NAV3: variants seen among roughly 807,000 people sequenced by gnomAD.
The protein encoded by NAV3 is pore membrane and/or filament interacting like protein 1.
NAV3 carries 87 observed loss-of-function variants against 244.7 expected under a neutral mutation model. The observed-to-expected ratio is 0.36, with a 90% CI of 0.30 to 0.42. The LOEUF (loss-of-function observed/expected upper bound fraction) is 0.42, where lower values mean the gene tolerates loss of function less well. NAV3 is among the 20% of genes least tolerant of loss of function. NAV3 has a pLI of 1.00. For synonymous variants in NAV3, 1,126 were observed against 1,042.2 expected, an observed-to-expected ratio of 1.08 and a Z score of -1.55; for missense variants, 2,663 against 2,893.3, an observed-to-expected ratio of 0.92 and a Z score of 1.83.
intron 2 of NAV3, among the ~76,000 whole-genome samples, chr12:77,648,841 G>C (rs1478116830): frequency 6.6e-6 from 1 of 152,014 alleles, no homozygotes; most frequent in East Asian, 1.9e-4. Flanking sequence ...GAGTAAATAT[G>C]GGATTTCTTC....
chr12:78,065,384 ACT>A (rs1884891984), intron 12 of NAV3, among the ~76,000 whole-genome samples: 1 of 152,136 alleles, frequency 6.6e-6, no homozygotes, highest in Non-Finnish European at 1.5e-5. Context: ...CCACTCTGTG[ACT>A]CTGCACTGTG....
At chr12:77,775,490 A>G (rs776222232) in intron 2 of NAV3, among the ~76,000 whole-genome samples, 3 of 151,812 alleles carry the variant, frequency 2.0e-5, no homozygotes. Flanking sequence ...TAGCCAATGG[A>G]GCTCACCTTA....
intron 2 of NAV3, among the ~76,000 whole-genome samples, chr12:77,633,325 G>A (rs75604606): frequency 0.018 from 2,754 of 152,086 alleles, 60 homozygotes; most frequent in African/African-American, 0.047. Context: ...AACACTTAGT[G>A]TTTTCATAAT....
chr12:78,172,550 T>A (rs1958048734), intron 24 of NAV3, among the ~76,000 whole-genome samples: 1 of 151,378 alleles, frequency 6.6e-6, no homozygotes, highest in Non-Finnish European at 1.5e-5. Context: ...CAATAATGGG[T>A]GCCATAGGGA....
intron 19 of NAV3, among the ~76,000 whole-genome samples, chr12:78,138,675 A>G (rs963864130): frequency 3.3e-5 from 5 of 152,186 alleles, no homozygotes; most frequent in African/African-American, 1.2e-4. Flanking sequence ...TAGGCTTCTT[A>G]TAATACTTTT....
chr12:78,192,770 AC>A (rs1290642096), intron 34 of NAV3, among the ~76,000 whole-genome samples: 1 of 152,116 alleles, frequency 6.6e-6, no homozygotes, highest in Non-Finnish European at 1.5e-5. Context: ...ACAAATTATA[AC>A]TAAAAAATAT....
At chr12:78,076,387 T>A (rs995047479) in intron 12 of NAV3, among the ~76,000 whole-genome samples, 1 of 152,178 alleles carries the variant, frequency 6.6e-6, no homozygotes, top group African/African-American at 2.4e-5. Context: ...TGTGTGTCAA[T>A]CTTATAATTC....
chr12:77,707,392 C>T (rs1242392841), intron 2 of NAV3, among the ~76,000 whole-genome samples: 1 of 152,132 alleles, frequency 6.6e-6, no homozygotes, highest in Non-Finnish European at 1.5e-5. Context: ...ATGAACTCAT[C>T]CTTTTTTCTG....
intron 4 of NAV3, among the ~76,000 whole-genome samples, chr12:77,966,611 G>A (rs1892540004): frequency 6.6e-6 from 1 of 151,946 alleles, no homozygotes; most frequent in Non-Finnish European, 1.5e-5. Context: ...TAGATGAATA[G>A]ATAATTAGAT....
At chr12:78,044,105 G>C (rs545407240) in intron 9 of NAV3, among the ~76,000 whole-genome samples, 24 of 152,264 alleles carry the variant, frequency 1.6e-4, no homozygotes, top group South Asian at 4.1e-4. Flanking sequence ...GTTAATTTTT[G>C]TGTAAAGTGT....
chr12:77,947,764 A>C (rs373375443), intron 3 of NAV3, among the ~76,000 whole-genome samples: 4 of 152,062 alleles, frequency 2.6e-5, no homozygotes, highest in South Asian at 4.1e-4. Flanking sequence ...AAATATGTAT[A>C]AACTACTAGT....
chr12:77,751,848 C>T (rs1332673476), intron 2 of NAV3, among the ~76,000 whole-genome samples: 1 of 152,136 alleles, frequency 6.6e-6, no homozygotes, highest in Admixed American at 6.5e-5. Flanking sequence ...AGCTTATACG[C>T]AGTTGTTCTG....
At chr12:77,579,390 T>C (rs1869242728) in intron 2 of NAV3, among the ~76,000 whole-genome samples, 1 of 152,230 alleles carries the variant, frequency 6.6e-6, no homozygotes, top group South Asian at 2.1e-4. Context: ...GGGTAATCTA[T>C]AAGAAATAGA....
chr12:78,029,259 A>G (rs532263721), intron 9 of NAV3, among the ~76,000 whole-genome samples: 2 of 152,250 alleles, frequency 1.3e-5, no homozygotes, highest in South Asian at 2.1e-4. Context: ...TAACATTGAT[A>G]ATGAGGCTCC....
chr12:77,995,959 C>A (rs1872288983), intron 6 of NAV3, among the ~76,000 whole-genome samples: 1 of 151,906 alleles, frequency 6.6e-6, no homozygotes, highest in African/African-American at 2.4e-5. Context: ...CTTTTTATTA[C>A]TTTGATGAAT....
chr12:77,758,119 G>C (rs35152945), intron 2 of NAV3, among the ~76,000 whole-genome samples: 147,458 of 152,198 alleles, frequency 0.97, 71,607 homozygotes, highest in Middle Eastern at 1. Context: ...TCTGAGTTTG[G>C]TTTATCATTT....
In NAV3 at chr12:78,122,314, C is replaced by T. The variant is rs745443662; in HGVS notation, c.4124C>T (p.Ser1375Phe). 1.2e-6 allele frequency: 2 copies of T among 1,614,020 alleles called. No homozygotes were observed. The highest frequency in any genetic ancestry group is 4.5e-5 in the East Asian group (2 of 44,874). ...SMTSLHTSSE[S>F]IDLPLSHHGS... ...ACTAGCCTCCACACGAGCTCTGAGT[C>T]CATTGACCTCCCCCTCAGCCATCAT... The change falls in exon 16 of 40, where the codon TCC (serine) becomes TTC (phenylalanine). Residue 1375 changes from serine to phenylalanine, a missense_variant. Physicochemically the swap from Ser to Phe is radical, Grantham distance 155. Coordinates refer to ENST00000397909, the MANE Select transcript of NAV3 (RefSeq NM_001024383.2).
chr12:78,041,069 G>T (rs991730521), intron 9 of NAV3, among the ~76,000 whole-genome samples: 2 of 152,154 alleles, frequency 1.3e-5, no homozygotes, highest in Non-Finnish European at 2.9e-5. Context: ...AGTATGGGAA[G>T]AATTTCCAGG....
intron 18 of NAV3, among the ~76,000 whole-genome samples, chr12:78,136,668 A>T (rs1395909819): frequency 6.6e-6 from 1 of 152,184 alleles, no homozygotes; most frequent in Non-Finnish European, 1.5e-5. Flanking sequence ...TCTAACTTTG[A>T]TAATAATGAT....
Sources: gnomAD v4.1 joint callset for allele counts (sites outside exome capture counted in the v4.1 genomes callset) on GRCh38, gnomAD v4.1.1 for gene constraint, MANE v1.5 for transcripts, NCBI Gene and HGNC (gene_info 2026-07-23, HGNC 2026-07-21) for gene names.